PALM2AKAP2: variants seen among roughly 807,000 people sequenced by gnomAD.
PALM2AKAP2 encodes PALM2-AKAP2 fusion protein.
Under a neutral mutation model 71.5 loss-of-function variants are expected in PALM2AKAP2, and 37 were observed. That is an observed-to-expected ratio of 0.52 (90% confidence interval 0.40 to 0.68). The LOEUF (loss-of-function observed/expected upper bound fraction) is 0.68, where lower values mean the gene tolerates loss of function less well. Among genes scored for constraint, PALM2AKAP2 ranks in the 30% least tolerant of loss-of-function variants. PALM2AKAP2 has a pLI of 0.00. For synonymous variants in PALM2AKAP2, 468 were observed against 478.8 expected (o/e 0.98, Z 0.29); for missense variants, 1,224 against 1,191.8 (o/e 1.03, Z -0.40).
At chr9:110,154,477 T>C (rs944839014) in intron 2 of PALM2AKAP2, among the ~76,000 whole-genome samples, 12 of 152,212 alleles carry the variant, frequency 7.9e-5, no homozygotes, top group Admixed American at 1.3e-4. Context: ...TTTAAAATAA[T>C]TCAGCAAGTC....
At position 109,689,242 on chromosome 9, in the gene PALM2AKAP2, A is replaced by G. The variant is rs560115589; in HGVS notation, c.5+48376A>G. ...TTTTTAGATGGAGTCTGGCTCTGTC[A>G]CCCAGGCTGGAGTGCAATGGTGCCA... On this transcript the variant is annotated intron_variant, in intron 1 of 6. Coordinates refer to the PALM2AKAP2 transcript ENST00000374531. Among the ~76,000 whole-genome samples, 168 of 139,834 alleles carry G rather than the reference A, an allele frequency of 1.2e-3. 1 individual carries two copies. Among genetic ancestry groups the G allele is most frequent in the African/African-American group, 4.1e-3 (157 of 37,878 alleles). 91.7% of individuals were successfully genotyped at this position (139,834 alleles called of 152,430 possible).
chr9:109,954,230 C>T (rs1831702856), intron 6 of PALM2AKAP2, among the ~76,000 whole-genome samples: 1 of 152,110 alleles, frequency 6.6e-6, no homozygotes, highest in Non-Finnish European at 1.5e-5. Context: ...GTTATTGTTG[C>T]TGATGATGGT....
chr9:109,909,106 GAATA>G (rs960590136), intron 3 of PALM2AKAP2, among the ~76,000 whole-genome samples: 114 of 150,678 alleles, frequency 7.6e-4, no homozygotes, highest in African/African-American at 2.6e-3. Context: ...ATTTAGGTGA[GAATA>G]AATAAGAGTA....
intron 1 of PALM2AKAP2, among the ~76,000 whole-genome samples, chr9:110,131,152 G>T (rs959473435): frequency 2.2e-4 from 33 of 152,086 alleles, no homozygotes; most frequent in African/African-American, 7.2e-4. Flanking sequence ...GTATTAAATT[G>T]CCCCGATCAA....
At chr9:109,901,417 C>T (rs1194504426) in intron 3 of PALM2AKAP2, among the ~76,000 whole-genome samples, 1 of 152,152 alleles carries the variant, frequency 6.6e-6, no homozygotes, top group Non-Finnish European at 1.5e-5. Flanking sequence ...ACAGTTGATT[C>T]CTGCTTTCAC....
intron 1 of PALM2AKAP2, among the ~76,000 whole-genome samples, chr9:110,068,698 A>G (rs903237601): frequency 6.6e-6 from 1 of 151,844 alleles, no homozygotes; most frequent in Non-Finnish European, 1.5e-5. Context: ...TGCCTGGCTA[A>G]TTTTTAAATT....
At chr9:110,052,830 G>A (rs373631833) in intron 1 of PALM2AKAP2, among the ~76,000 whole-genome samples, 14 of 152,292 alleles carry the variant, frequency 9.2e-5, no homozygotes, top group African/African-American at 3.1e-4. Flanking sequence ...GATGTGAGTT[G>A]TAATTTTATA....
At chr9:109,818,032 A>G (rs554820261) in intron 1 of PALM2AKAP2, among the ~76,000 whole-genome samples, 10 of 152,226 alleles carry the variant, frequency 6.6e-5, no homozygotes, top group Non-Finnish European at 1.0e-4. Flanking sequence ...CAGTCTTCCC[A>G]GCTGTCTGAG....
At chr9:110,000,263 T>C (rs1832658869) in intron 6 of PALM2AKAP2, among the ~76,000 whole-genome samples, 1 of 151,250 alleles carries the variant, frequency 6.6e-6, no homozygotes, top group African/African-American at 2.4e-5. Flanking sequence ...ACATGTGGTG[T>C]TGGGTTTTTT....
At chr9:109,657,938 TTGTGTG>T (rs35984840) in intron 1 of PALM2AKAP2, among the ~76,000 whole-genome samples, 12,488 of 142,478 alleles carry the variant, frequency 0.088, 629 homozygotes, top group South Asian at 0.18. Flanking sequence ...TTGTGTGTGT[TTGTGTG>T]TGTGTGTGTG....
chr9:109,788,865 G>T (rs1256245421), intron 1 of PALM2AKAP2, among the ~76,000 whole-genome samples: 1 of 152,202 alleles, frequency 6.6e-6, no homozygotes, highest in African/African-American at 2.4e-5. Context: ...TTAAGCCCAG[G>T]AGTTCAAGGC....
chr9:109,645,883 A>G lies in PALM2AKAP2; in HGVS notation c.5+5017A>G, dbSNP rs577756691. ...ATATACCCATGTAACAAACTTGCGC[A>G]TGTACTCACCTGAATCTAAAATAAA... On this transcript the variant is annotated intron_variant, in intron 1 of 6. Coordinates refer to the PALM2AKAP2 transcript ENST00000374531. 5.7e-4 allele frequency among the ~76,000 whole-genome samples: 87 copies of G among 152,274 alleles called. 1 individual carries two copies. The highest frequency in any genetic ancestry group is 2.0e-3 in the African/African-American group (85 of 41,548).
At chr9:109,947,838 G>C (rs1051203771) in intron 6 of PALM2AKAP2, among the ~76,000 whole-genome samples, 2 of 152,190 alleles carry the variant, frequency 1.3e-5, no homozygotes, top group African/African-American at 4.8e-5. Flanking sequence ...TGAAACCACA[G>C]ATTCTCAGCA....
At chr9:109,885,596 T>G in intron 3 of PALM2AKAP2, among the ~76,000 whole-genome samples, 1 of 152,204 alleles carries the variant, frequency 6.6e-6, no homozygotes, top group South Asian at 2.1e-4. Context: ...AAATCATGTT[T>G]ATAAGAAAAC....
At chr9:109,696,752 C>T (rs1564116576) in intron 1 of PALM2AKAP2, among the ~76,000 whole-genome samples, 1 of 152,178 alleles carries the variant, frequency 6.6e-6, no homozygotes, top group East Asian at 1.9e-4. Flanking sequence ...GTGTTGGCTG[C>T]TGACGGCTCA....
chr9:109,941,910 G>A (rs963595443), intron 6 of PALM2AKAP2, among the ~76,000 whole-genome samples: 1 of 152,156 alleles, frequency 6.6e-6, no homozygotes, highest in African/African-American at 2.4e-5. Flanking sequence ...ACAAAAAGAA[G>A]ACAACAGATG....
chr9:109,999,213 C>T (rs1352732207), intron 6 of PALM2AKAP2, among the ~76,000 whole-genome samples: 1 of 152,024 alleles, frequency 6.6e-6, no homozygotes, highest in Non-Finnish European at 1.5e-5. Context: ...GTGGCGTGCA[C>T]TTGTAATCCC....
At chr9:109,839,614 C>T (rs1165354105) in intron 1 of PALM2AKAP2, among the ~76,000 whole-genome samples, 1 of 152,182 alleles carries the variant, frequency 6.6e-6, no homozygotes, top group Non-Finnish European at 1.5e-5. Flanking sequence ...TTGCAGATGA[C>T]ATGATTGTAC....
intron 3 of PALM2AKAP2, among the ~76,000 whole-genome samples, chr9:109,912,474 G>A (rs1185250160): frequency 6.6e-6 from 1 of 152,200 alleles, no homozygotes; most frequent in Non-Finnish European, 1.5e-5. Context: ...ACTCCAGATA[G>A]ACTCATCTAA....
Sources: gnomAD v4.1 joint callset for allele counts (sites outside exome capture counted in the v4.1 genomes callset) on GRCh38, gnomAD v4.1.1 for gene constraint, MANE v1.5 for transcripts, NCBI Gene and HGNC (gene_info 2026-07-23, HGNC 2026-07-21) for gene names.